PRMT3: variants seen among roughly 807,000 people sequenced by gnomAD.
PRMT3 encodes the protein protein arginine methyltransferase 3.
In PRMT3, 62 loss-of-function variants were observed where a neutral mutation model predicts 71.9. The ratio of observed to expected loss-of-function variants is 0.86; its 90% CI spans 0.70 to 1.07. PRMT3 has a LOEUF of 1.07. PRMT3 is among the 50% of genes least tolerant of loss of function. PRMT3 has a pLI of 0.00. For synonymous variants in PRMT3, 213 were observed against 220.4 expected (o/e 0.97, Z 0.30); for missense variants, 663 against 643.0 (o/e 1.03, Z -0.34).
intron 15 of PRMT3, among the ~76,000 whole-genome samples, chr11:20,497,679 A>G (rs764377015): frequency 3.9e-5 from 6 of 152,206 alleles, no homozygotes; most frequent in African/African-American, 7.2e-5. Flanking sequence ...TACGCAAGTA[A>G]TAAGATGTGT....
chr11:20,494,367 C>A, intron 15 of PRMT3, 113 bp downstream of exon 15: 1 of 907,628 alleles, frequency 1.1e-6, no homozygotes, highest in Non-Finnish European at 1.7e-6. Context: ...GAGACGGAGT[C>A]TCGCTGTCTC....
intron 15 of PRMT3, among the ~76,000 whole-genome samples, chr11:20,504,262 C>T (rs560827174): frequency 3.5e-4 from 53 of 152,230 alleles, no homozygotes; most frequent in African/African-American, 1.1e-3. Context: ...TATCCTTTTC[C>T]GATTTAATCG....
rs115490867 is a variant in PRMT3 at position 20,463,651 on chromosome 11, G to T, written c.1261-809G>T. Among the ~76,000 whole-genome samples the T allele has an allele frequency of 2.2e-3, 341 of 151,584 alleles. 1 individual carries two copies. The highest frequency in any genetic ancestry group is 7.6e-3 in the African/African-American group (314 of 41,260). On this transcript the variant is annotated intron_variant, in intron 12 of 15. Transcript: ENST00000331079. ...AGTCCTCCCACAAACACATTGTACT[G>T]TTAAAATGTTTTCTCAAATTGTTTT...
At chr11:20,455,768 G>C (rs149227959) in intron 11 of PRMT3, among the ~76,000 whole-genome samples, 1 of 151,410 alleles carries the variant, frequency 6.6e-6, no homozygotes, top group Non-Finnish European at 1.5e-5. Flanking sequence ...GAAGAGAGTG[G>C]TATAGGCCTG....
intron 11 of PRMT3, among the ~76,000 whole-genome samples, chr11:20,459,495 GT>G (rs985794995): frequency 1.3e-5 from 2 of 152,122 alleles, no homozygotes; most frequent in Non-Finnish European, 2.9e-5. Flanking sequence ...ATGCTCATTT[GT>G]TTATATATTG....
rs146064709 is a variant in PRMT3, at chr11:20,425,036, G to A, written c.894-1730G>A. Among the ~76,000 whole-genome samples, 81 of 151,872 alleles carry A rather than the reference G, an allele frequency of 5.3e-4. 1 individual carries two copies. In the East Asian group the frequency reaches 0.015, roughly 28 times the overall value. On this transcript the variant is annotated intron_variant, in intron 9 of 15. Coordinates refer to ENST00000331079, the MANE Select transcript of PRMT3 (RefSeq NM_005788.4). Reference sequence around the variant, plus strand: ...AGAGGATCACTTGAGCTTGAGAGAGGTTGAGGCTGCAGTGAGCTGTCATTG... The same window carrying A: ...AGAGGATCACTTGAGCTTGAGAGAGATTGAGGCTGCAGTGAGCTGTCATTG...
At chr11:20,407,711 G>A (rs1199828623) in intron 8 of PRMT3, 200 bp from the exon 9 acceptor site, 17 of 423,940 alleles carry the variant, frequency 4.0e-5, no homozygotes, top group South Asian at 3.2e-4. Context: ...GGAAAGAGCC[G>A]GGCATGGTGA....
At chr11:20,446,248 T>G (rs1850025930) in intron 10 of PRMT3, among the ~76,000 whole-genome samples, 1 of 152,164 alleles carries the variant, frequency 6.6e-6, no homozygotes, top group Non-Finnish European at 1.5e-5. Flanking sequence ...CGTAGTCATG[T>G]AGTAGTTTCC....
chr11:20,468,094 G>A (rs1025922949), intron 13 of PRMT3, among the ~76,000 whole-genome samples: 1 of 152,144 alleles, frequency 6.6e-6, no homozygotes, highest in Admixed American at 6.5e-5. Context: ...AGAAGAATTA[G>A]CGAAGATATT....
chr11:20,464,489 A>G lies in PRMT3; in HGVS notation c.1290A>G (p.Ser430=). The change falls in exon 13 of 16, where the codon TCA becomes TCG. Residue 430 remains serine, a synonymous_variant. Coordinates refer to ENST00000331079, the MANE Select transcript of PRMT3 (RefSeq NM_005788.4). ...KHIDCHTTSI[S]DLEFSSDFTL... ...TAGATTGCCATACGACGTCTATCTC[A>G]GATTTGGAATTTTCATCAGATTTTA... 1 of 1,611,048 alleles carries G rather than the reference A, an allele frequency of 6.2e-7. No homozygotes were observed. Among genetic ancestry groups the G allele is most frequent in the Non-Finnish European group, 8.5e-7 (1 of 1,178,936 alleles).
Position 20,388,116 on chromosome 11 carries a change from C to T in PRMT3, c.126C>T (p.Pro42=), listed in dbSNP as rs150858047. The T allele has an allele frequency of 6.2e-7, 1 of 1,614,020 alleles. No individual in the cohort carries two copies. Among genetic ancestry groups the T allele is most frequent in the Non-Finnish European group, 8.5e-7 (1 of 1,179,994 alleles). ...AGGATGAGGACGATGCAGATCTCCCCCACGGCAAGCAGCAGACCCCCTGCC... is the reference window on the plus strand; with the variant it reads ...AGGATGAGGACGATGCAGATCTCCCTCACGGCAAGCAGCAGACCCCCTGCC... ...AWEDEDDADL[P]HGKQQTPCLF... Residue 42 remains proline, a synonymous_variant, in exon 2 of 16, where the codon CCC becomes CCT. Coordinates refer to ENST00000331079, the MANE Select transcript of PRMT3 (RefSeq NM_005788.4).
chr11:20,491,719 G>A (rs751201137), intron 13 of PRMT3, among the ~76,000 whole-genome samples: 1 of 152,102 alleles, frequency 6.6e-6, no homozygotes, highest in Non-Finnish European at 1.5e-5. Flanking sequence ...GGTTAATCCT[G>A]AGACTTGCAG....
chr11:20,408,360 C>T (rs1200892904), intron 9 of PRMT3, among the ~76,000 whole-genome samples: 1 of 151,882 alleles, frequency 6.6e-6, no homozygotes, highest in Non-Finnish European at 1.5e-5. Flanking sequence ...GGACTCCCTA[C>T]TTACTAATAT....
rs557843909 is a variant in PRMT3 at position 20,415,359 on chromosome 11, G to A, written c.893+7327G>A. On this transcript the variant is annotated intron_variant, in intron 9 of 15. Transcript: ENST00000331079. ...TCACTCCAGTGGTTCTGTCTTTGTG[G>A]GGTACATTCCATGACCACCCACTAG... Among the ~76,000 whole-genome samples the A allele has an allele frequency of 1.2e-4, 19 of 152,080 alleles. 2 individuals carry two copies. In the South Asian group the frequency reaches 3.7e-3, roughly 30 times the overall value.
At chr11:20,427,773 A>G (rs141246813) in intron 10 of PRMT3, among the ~76,000 whole-genome samples, 2 of 152,318 alleles carry the variant, frequency 1.3e-5, no homozygotes, top group African/African-American at 4.8e-5. Context: ...TGATATGTCA[A>G]TTTGACAGAA....
At chr11:20,433,801 G>A (rs1849706459) in intron 10 of PRMT3, among the ~76,000 whole-genome samples, 1 of 152,016 alleles carries the variant, frequency 6.6e-6, no homozygotes, top group South Asian at 2.1e-4. Context: ...TGTATTTTTG[G>A]TAGAGATGAG....
chr11:20,463,371 G>GTTTA (rs772167456), intron 12 of PRMT3, among the ~76,000 whole-genome samples: 1 of 152,120 alleles, frequency 6.6e-6, no homozygotes, highest in Non-Finnish European at 1.5e-5. Context: ...AGAATAAAGA[G>GTTTA]TTTATTTGGG....
At chr11:20,437,351 C>A (rs1849782252) in intron 10 of PRMT3, among the ~76,000 whole-genome samples, 1 of 152,094 alleles carries the variant, frequency 6.6e-6, no homozygotes, top group African/African-American at 2.4e-5. Context: ...TATTTGAAAT[C>A]ATTCAACTTT....
intron 13 of PRMT3, among the ~76,000 whole-genome samples, chr11:20,478,627 A>G (rs1470885783): frequency 6.6e-6 from 1 of 152,156 alleles, no homozygotes; most frequent in Non-Finnish European, 1.5e-5. Context: ...TCTTTCAGTT[A>G]CTGAGTTTTT....
Sources: allele counts gnomAD v4.1 joint callset (sites outside exome capture counted in the v4.1 genomes callset), GRCh38; gene constraint gnomAD v4.1.1; transcripts MANE v1.5; gene names NCBI Gene and HGNC (gene_info 2026-07-23, HGNC 2026-07-21).